Variants in SPIDR observed in about 807,000 individuals in gnomAD.
SPIDR encodes DNA repair-scaffolding protein.
A neutral mutation model predicts 104.6 loss-of-function variants in SPIDR; 93 were observed. That is an observed-to-expected ratio of 0.89 (90% CI 0.75 to 1.06). The LOEUF (loss-of-function observed/expected upper bound fraction) is 1.06. SPIDR is among the 50% of genes least tolerant of loss of function. The pLI is 0.00. For synonymous variants in SPIDR, 431 were observed against 416.9 expected, an observed-to-expected ratio of 1.03 and a Z score of -0.41; for missense variants, 1,154 against 1,111.2, an observed-to-expected ratio of 1.04 and a Z score of -0.55.
Position 47,288,378 on chromosome 8 carries a change from T to G in SPIDR, c.257-2655T>G, listed in dbSNP as rs1223850019. On this transcript the variant is annotated intron_variant, in intron 3 of 19. Coordinates refer to ENST00000297423, the MANE Select transcript of SPIDR (RefSeq NM_001080394.4). ...TCTGCTCACTGCAACCTCTGCCTCCTGGGTTCAAGCAATTCTCTGCCTCAG... is the reference window on the plus strand; with the variant it reads ...TCTGCTCACTGCAACCTCTGCCTCCGGGGTTCAAGCAATTCTCTGCCTCAG... Among the ~76,000 whole-genome samples, 3 of 152,116 alleles carry G rather than the reference T, an allele frequency of 2.0e-5. No individual in the cohort carries two copies. In the East Asian group the frequency reaches 5.8e-4, roughly 29 times the overall value.
intron 8 of SPIDR, among the ~76,000 whole-genome samples, chr8:47,524,121 T>C (rs2084615826): frequency 6.6e-6 from 1 of 152,242 alleles, no homozygotes; most frequent in Non-Finnish European, 1.5e-5. Context: ...AAACTTTAGA[T>C]AAACTATCAG....
intron 8 of SPIDR, among the ~76,000 whole-genome samples, chr8:47,512,462 C>G (rs1393599834): frequency 6.6e-6 from 1 of 152,200 alleles, no homozygotes; most frequent in Non-Finnish European, 1.5e-5. Flanking sequence ...TCTGTTCCCC[C>G]TCTCTCTGTT....
intron 3 of SPIDR, among the ~76,000 whole-genome samples, chr8:47,289,540 A>G (rs2039516269): frequency 6.6e-6 from 1 of 152,148 alleles, no homozygotes; most frequent in African/African-American, 2.4e-5. Context: ...GATTCTGCCA[A>G]GATGAAATAG....
Position 47,654,900 on chromosome 8 carries a change from C to T in SPIDR, c.1545-18901C>T, listed in dbSNP as rs183604795. Among the ~76,000 whole-genome samples the T allele has an allele frequency of 5.1e-4, 77 of 152,032 alleles. 1 individual carries two copies. The highest frequency in any genetic ancestry group is 4.1e-3 in the Admixed American group (62 of 15,246). ...CCTCCTCCCACCCCACAACAGGCCC[C>T]GGTGTGTCATGTTCCCCTTCCTGTG... On this transcript the variant is annotated intron_variant, in intron 10 of 19. Transcript: ENST00000297423.
chr8:47,625,784 A>C (rs1402476781), intron 10 of SPIDR, among the ~76,000 whole-genome samples: 1 of 152,204 alleles, frequency 6.6e-6, no homozygotes, highest in Non-Finnish European at 1.5e-5. Context: ...GGTAGGAAGA[A>C]TCAATATCAT....
intron 16 of SPIDR, among the ~76,000 whole-genome samples, chr8:47,721,476 T>G (rs1389410629): frequency 7.2e-6 from 1 of 138,046 alleles, no homozygotes; most frequent in Non-Finnish European, 1.6e-5. Flanking sequence ...TTATTGAAAC[T>G]TTTTTTTTTT....
chr8:47,504,464 G>A (rs570223261), intron 8 of SPIDR, among the ~76,000 whole-genome samples: 54 of 152,112 alleles, frequency 3.6e-4, no homozygotes, highest in African/African-American at 1.1e-3. Flanking sequence ...CATAGTTCTC[G>A]TGCCTTGGTT....
chr8:47,545,089 T>G (rs960523538), intron 8 of SPIDR, among the ~76,000 whole-genome samples: 2 of 132,944 alleles, frequency 1.5e-5, no homozygotes, highest in South Asian at 5.5e-4. Flanking sequence ...CTTTCTTTCT[T>G]TCTTTCTTTC....
intron 1 of SPIDR, among the ~76,000 whole-genome samples, chr8:47,277,800 G>A (rs931069550): frequency 1.3e-4 from 20 of 148,794 alleles, no homozygotes; most frequent in African/African-American, 4.7e-4. Flanking sequence ...TCAGCCTCCC[G>A]AGTAGCTGGG....
chr8:47,420,982 G>C (rs1026932911), intron 7 of SPIDR, among the ~76,000 whole-genome samples: 2 of 152,250 alleles, frequency 1.3e-5, no homozygotes, highest in African/African-American at 4.8e-5. Context: ...GATGTCAGCT[G>C]TTAGTCTGAT....
chr8:47,639,556 T>C (rs1055986176), intron 10 of SPIDR, among the ~76,000 whole-genome samples: 1 of 151,932 alleles, frequency 6.6e-6, no homozygotes, highest in African/African-American at 2.4e-5. Context: ...ATAACTTCAC[T>C]TCCACGTATC....
chr8:47,349,846 AGTGT>A (rs1237401543), intron 5 of SPIDR, among the ~76,000 whole-genome samples: 1 of 152,144 alleles, frequency 6.6e-6, no homozygotes, highest in Non-Finnish European at 1.5e-5. Context: ...TTAGGGCGGG[AGTGT>A]CCCGATTTTC....
intron 8 of SPIDR, among the ~76,000 whole-genome samples, chr8:47,496,824 G>C (rs934827593): frequency 6.7e-6 from 1 of 148,524 alleles, no homozygotes; most frequent in Non-Finnish European, 1.5e-5. Context: ...TTGTTTGTTT[G>C]TTTGTTTGTT....
intron 8 of SPIDR, among the ~76,000 whole-genome samples, chr8:47,446,556 C>CT (rs1348437332): frequency 6.7e-6 from 1 of 148,524 alleles, no homozygotes; most frequent in Non-Finnish European, 1.5e-5. Flanking sequence ...TCAAGTCTTG[C>CT]TTTTAACTGC....
chr8:47,614,578 C>G (rs574954440), intron 10 of SPIDR, among the ~76,000 whole-genome samples: 1 of 152,320 alleles, frequency 6.6e-6, no homozygotes, highest in South Asian at 2.1e-4. Context: ...ACCACATTTG[C>G]TTTATCCAGT....
At chr8:47,569,407 A>G (rs917416422) in intron 8 of SPIDR, among the ~76,000 whole-genome samples, 4 of 152,202 alleles carry the variant, frequency 2.6e-5, no homozygotes, top group African/African-American at 9.6e-5. Flanking sequence ...CAACACTGTA[A>G]AGCAATTAAA....
intron 7 of SPIDR, among the ~76,000 whole-genome samples, chr8:47,439,491 A>G (rs942495770): frequency 3.3e-5 from 5 of 152,256 alleles, no homozygotes; most frequent in Non-Finnish European, 5.9e-5. Flanking sequence ...TGAACACACC[A>G]TGGTTTACCC....
At chr8:47,673,350 C>G (rs1217353787) in intron 10 of SPIDR, 1 of 453,732 alleles carries the variant, frequency 2.2e-6, no homozygotes, top group East Asian at 7.0e-5. Context: ...TTGTTCTTAT[C>G]GTAATGTTAT....
chr8:47,373,959 G>C (rs1338751587), intron 5 of SPIDR, among the ~76,000 whole-genome samples: 2 of 152,156 alleles, frequency 1.3e-5, no homozygotes, highest in African/African-American at 4.8e-5. Context: ...ATGTGTTTCT[G>C]TTTTATTTGT....
Sources: gnomAD v4.1 joint callset for allele counts (sites outside exome capture counted in the v4.1 genomes callset) on GRCh38, gnomAD v4.1.1 for gene constraint, MANE v1.5 for transcripts, NCBI Gene and HGNC (gene_info 2026-07-23, HGNC 2026-07-21) for gene names.